GALNTL6: variants seen among roughly 807,000 people sequenced by gnomAD.
GALNTL6 encodes the protein polypeptide N-acetylgalactosaminyltransferase like 6.
Under a neutral mutation model 73.7 loss-of-function variants are expected in GALNTL6, and 46 were observed. The ratio of observed to expected loss-of-function variants is 0.62; its 90% confidence interval spans 0.49 to 0.80. GALNTL6 has a LOEUF of 0.80. Ranked by LOEUF, GALNTL6 falls within the 30% of genes least tolerant of loss-of-function variation. GALNTL6 has a pLI of 0.00. For missense variants in GALNTL6, 604 were observed against 755.0 expected, an observed-to-expected ratio of 0.80 and a Z score of 2.34; for synonymous variants, 259 against 263.7, an observed-to-expected ratio of 0.98 and a Z score of 0.17.
At chr4:171,886,777 A>G (rs1465598663) in intron 2 of GALNTL6, among the ~76,000 whole-genome samples, 1 of 152,352 alleles carries the variant, frequency 6.6e-6, no homozygotes, top group Non-Finnish European at 1.5e-5. Context: ...ATACAAATTT[A>G]TCAGGTAGAC....
rs182893618 is a variant in GALNTL6, at chr4:171,924,259, A to T, written c.138+109541A>T. Among the ~76,000 whole-genome samples the T allele has an allele frequency of 6.3e-3, 961 of 152,154 alleles. 8 individuals are homozygous for T. The highest frequency in any genetic ancestry group is 0.034 in the Middle Eastern group (10 of 294). On this transcript the variant is annotated intron_variant, in intron 2 of 12. Transcript: ENST00000506823. ...TGTCCAGTGGTGATGACTACTATAAAAAATAAATAAATCAGGGAAGGAACA... is the reference window on the plus strand; with the variant it reads ...TGTCCAGTGGTGATGACTACTATAATAAATAAATAAATCAGGGAAGGAACA...
chr4:171,948,684 A>G (rs1328363729), intron 2 of GALNTL6, among the ~76,000 whole-genome samples: 3 of 152,192 alleles, frequency 2.0e-5, no homozygotes, highest in African/African-American at 7.2e-5. Flanking sequence ...CTAATATTAT[A>G]TTAACGCAAT....
At chr4:172,990,672 A>T (rs1354720396) in intron 10 of GALNTL6, among the ~76,000 whole-genome samples, 3 of 152,216 alleles carry the variant, frequency 2.0e-5, no homozygotes, top group African/African-American at 7.2e-5. Context: ...CCGTTTGTAA[A>T]GGATCAAAAC....
At chr4:172,938,960 A>G (rs1352492002) in intron 9 of GALNTL6, among the ~76,000 whole-genome samples, 2 of 152,196 alleles carry the variant, frequency 1.3e-5, no homozygotes, top group Non-Finnish European at 2.9e-5. Flanking sequence ...GATGATTCAC[A>G]TACTGCAATT....
At chr4:172,331,578 T>G (rs570781685) in intron 4 of GALNTL6, among the ~76,000 whole-genome samples, 55 of 152,334 alleles carry the variant, frequency 3.6e-4, no homozygotes, top group African/African-American at 1.3e-3. Context: ...TCTACTCTTT[T>G]GTTCTATGGA....
chr4:172,792,532 G>A (rs1223108247), intron 5 of GALNTL6, among the ~76,000 whole-genome samples: 1 of 151,974 alleles, frequency 6.6e-6, no homozygotes, highest in East Asian at 1.9e-4. Flanking sequence ...TGAATGTATT[G>A]CTTATCTTCC....
At chr4:172,921,907 A>G (rs1747812963) in intron 8 of GALNTL6, among the ~76,000 whole-genome samples, 1 of 152,142 alleles carries the variant, frequency 6.6e-6, no homozygotes, top group Admixed American at 6.5e-5. Context: ...CAAATGTAAA[A>G]TATTTCTCTA....
intron 2 of GALNTL6, among the ~76,000 whole-genome samples, chr4:172,035,578 C>T (rs895106393): frequency 6.6e-6 from 1 of 152,174 alleles, no homozygotes; most frequent in African/African-American, 2.4e-5. Flanking sequence ...GAATATGACC[C>T]AATGTTAACA....
At chr4:171,959,980 A>G (rs746998719) in intron 2 of GALNTL6, among the ~76,000 whole-genome samples, 17 of 152,230 alleles carry the variant, frequency 1.1e-4, no homozygotes, top group African/African-American at 4.1e-4. Context: ...TTTATTTTCC[A>G]ATGGAGAACA....
rs147661882 is a variant in GALNTL6 at position 171,894,695 on chromosome 4, T to A, written c.138+79977T>A. Among the ~76,000 whole-genome samples the A allele has an allele frequency of 3.3e-5, 5 of 152,294 alleles. No homozygotes were observed. The East Asian group carries it at 9.7e-4, about 29-fold the overall frequency. Reference sequence around the variant, plus strand: ...TCTTTTAAATATGATGAAATCAAAGTTAAATGATTCAAGTGACAAAGTTGA... The same window carrying A: ...TCTTTTAAATATGATGAAATCAAAGATAAATGATTCAAGTGACAAAGTTGA... On this transcript the variant is annotated intron_variant, in intron 2 of 12. Transcript: ENST00000506823.
chr4:172,758,520 A>G (rs1737883755), intron 5 of GALNTL6, among the ~76,000 whole-genome samples: 1 of 152,350 alleles, frequency 6.6e-6, no homozygotes, highest in Non-Finnish European at 1.5e-5. Context: ...TGGGTGACAG[A>G]GTGAGACTGT....
chr4:172,667,462 G>A (rs1212697502), intron 5 of GALNTL6: 1 of 152,222 alleles, frequency 6.6e-6, no homozygotes, highest in Non-Finnish European at 1.5e-5. Context: ...GACGGGGTGT[G>A]TTCTTTTCCA....
At chr4:172,825,204 G>A (rs1742199995) in intron 7 of GALNTL6, among the ~76,000 whole-genome samples, 1 of 151,160 alleles carries the variant, frequency 6.6e-6, no homozygotes, top group Admixed American at 6.6e-5. Flanking sequence ...AGAAAGAAAT[G>A]TCTGTTTTTG....
At chr4:171,913,005 TGTGG>T (rs1560838221) in intron 2 of GALNTL6, among the ~76,000 whole-genome samples, 1 of 152,200 alleles carries the variant, frequency 6.6e-6, no homozygotes, top group African/African-American at 2.4e-5. Context: ...GCAATAAACA[TGTGG>T]GTGCAGGTAT....
intron 5 of GALNTL6, among the ~76,000 whole-genome samples, chr4:172,546,108 A>G (rs1380163739): frequency 6.6e-6 from 1 of 152,190 alleles, no homozygotes; most frequent in African/African-American, 2.4e-5. Context: ...ATGGGGAAAG[A>G]GGTATAGTCT....
At chr4:172,824,057 G>A (rs1742091047) in intron 7 of GALNTL6, among the ~76,000 whole-genome samples, 1 of 152,158 alleles carries the variant, frequency 6.6e-6, no homozygotes, top group Non-Finnish European at 1.5e-5. Flanking sequence ...TTGTTGGCGA[G>A]TATAATCTTA....
At chr4:172,289,738 C>T (rs752393313) in intron 3 of GALNTL6, among the ~76,000 whole-genome samples, 35 of 152,160 alleles carry the variant, frequency 2.3e-4, no homozygotes, top group South Asian at 4.1e-4. Flanking sequence ...CAAAATAAAA[C>T]TGAGACCATG....
chr4:171,936,069 T>G (rs1429243267), intron 2 of GALNTL6, among the ~76,000 whole-genome samples: 1 of 152,162 alleles, frequency 6.6e-6, no homozygotes, highest in Admixed American at 6.5e-5. Context: ...AAAAAATTAT[T>G]TATGGTCTCC....
intron 5 of GALNTL6, among the ~76,000 whole-genome samples, chr4:172,389,903 C>T (rs1743600128): frequency 6.6e-6 from 1 of 151,962 alleles, no homozygotes; most frequent in African/African-American, 2.4e-5. Context: ...TAAAAAATAA[C>T]AGTTGCTAGT....
Sources: allele counts gnomAD v4.1 joint callset (sites outside exome capture counted in the v4.1 genomes callset), GRCh38; gene constraint gnomAD v4.1.1; transcripts MANE v1.5; gene names NCBI Gene and HGNC (gene_info 2026-07-23, HGNC 2026-07-21).